SGCZ: variants seen among roughly 807,000 people sequenced by gnomAD.
SGCZ encodes the protein sarcoglycan zeta.
Under a neutral mutation model 41.3 loss-of-function variants are expected in SGCZ, and 40 were observed. The observed-to-expected ratio is 0.97, with a 90% CI of 0.75 to 1.26. The LOEUF (loss-of-function observed/expected upper bound fraction) is 1.26, where lower values mean the gene tolerates loss of function less well. Among genes scored for constraint, SGCZ ranks in the 50% most tolerant of loss-of-function variants. The pLI, the probability that SGCZ is intolerant of heterozygous loss-of-function variation, is 0.00. For missense variants in SGCZ, 552 were observed against 369.8 expected, an observed-to-expected ratio of 1.49 and a Z score of -4.04; for synonymous variants, 206 against 137.5, an observed-to-expected ratio of 1.50 and a Z score of -3.49.
intron 1 of SGCZ, among the ~76,000 whole-genome samples, chr8:14,929,028 G>A (rs1367293905): frequency 6.6e-6 from 1 of 152,034 alleles, no homozygotes; most frequent in Non-Finnish European, 1.5e-5. Context: ...GTCTCACTCT[G>A]TTGCCCAGAC....
At chr8:14,210,466 C>CT (rs11348040) in intron 4 of SGCZ, among the ~76,000 whole-genome samples, 20 of 147,646 alleles carry the variant, frequency 1.4e-4, no homozygotes, top group East Asian at 4.0e-4. Context: ...GCAACTTGAA[C>CT]TTTTTTTTTT....
intron 1 of SGCZ, among the ~76,000 whole-genome samples, chr8:14,739,195 A>C (rs1391463380): frequency 6.6e-6 from 1 of 152,102 alleles, no homozygotes; most frequent in Non-Finnish European, 1.5e-5. Context: ...GGTGGAAAAT[A>C]AGATTTAAGA....
chr8:14,726,982 G>A (rs1810076443), intron 1 of SGCZ, among the ~76,000 whole-genome samples: 1 of 152,036 alleles, frequency 6.6e-6, no homozygotes, highest in African/African-American at 2.4e-5. Context: ...AAATTAAAAT[G>A]TGTTGTTCAT....
At chr8:14,425,599 T>G (rs1383643917) in intron 2 of SGCZ, among the ~76,000 whole-genome samples, 1 of 151,308 alleles carries the variant, frequency 6.6e-6, no homozygotes, top group Non-Finnish European at 1.5e-5. Flanking sequence ...CCAGCCTGGT[T>G]GACAGAGGGA....
At chr8:14,589,555 C>T (rs1255574475) in intron 1 of SGCZ, among the ~76,000 whole-genome samples, 1 of 152,016 alleles carries the variant, frequency 6.6e-6, no homozygotes, top group Non-Finnish European at 1.5e-5. Context: ...GAATCTTGAG[C>T]AAATTACTTG....
intron 5 of SGCZ, among the ~76,000 whole-genome samples, chr8:14,144,306 T>A (rs189066253): frequency 6.6e-6 from 1 of 152,282 alleles, no homozygotes; most frequent in East Asian, 1.9e-4. Flanking sequence ...AGATAAGTCA[T>A]AGTCAGAGTC....
chr8:14,405,647 T>C (rs910514454), intron 2 of SGCZ, among the ~76,000 whole-genome samples: 4 of 152,214 alleles, frequency 2.6e-5, no homozygotes, highest in African/African-American at 9.6e-5. Flanking sequence ...GTTGAAATAA[T>C]TCTGCTTTGA....
intron 1 of SGCZ, among the ~76,000 whole-genome samples, chr8:15,208,465 G>C (rs1261089704): frequency 6.6e-6 from 1 of 152,110 alleles, no homozygotes; most frequent in Non-Finnish European, 1.5e-5. Flanking sequence ...TCAGTTGTCA[G>C]AAACTCAAAA....
chr8:14,535,340 C>G (rs1036567248), intron 2 of SGCZ, among the ~76,000 whole-genome samples: 1 of 151,636 alleles, frequency 6.6e-6, no homozygotes, highest in African/African-American at 2.4e-5. Context: ...CTTGCTTTCT[C>G]CTAAAAACTC....
chr8:14,581,489 T>G (rs6985599), intron 1 of SGCZ, among the ~76,000 whole-genome samples: 8,024 of 151,992 alleles, frequency 0.053, 547 homozygotes, highest in African/African-American at 0.16. Flanking sequence ...TGCATTATTA[T>G]ATCTGACTTG....
At chr8:14,479,731 C>CTTCT (rs1421864084) in intron 2 of SGCZ, among the ~76,000 whole-genome samples, 4 of 52,976 alleles carry the variant, frequency 7.6e-5, no homozygotes, top group African/African-American at 2.0e-4. Flanking sequence ...AATTCTACTT[C>CTTCT]TTTTTTTTTT....
At chr8:14,718,850 TA>T (rs1191906229) in intron 1 of SGCZ, among the ~76,000 whole-genome samples, 7 of 143,332 alleles carry the variant, frequency 4.9e-5, no homozygotes, top group East Asian at 2.1e-4. Context: ...AATATATATA[TA>T]TATTTTTATT....
At chr8:14,305,500 T>C (rs745622452) in intron 3 of SGCZ, among the ~76,000 whole-genome samples, 4 of 152,216 alleles carry the variant, frequency 2.6e-5, no homozygotes, top group Non-Finnish European at 5.9e-5. Context: ...AGAAATTTTA[T>C]TTGATTTTGA....
intron 2 of SGCZ, among the ~76,000 whole-genome samples, chr8:14,470,353 G>C (rs1459782815): frequency 6.6e-6 from 1 of 151,982 alleles, no homozygotes; most frequent in Non-Finnish European, 1.5e-5. Context: ...GCACATAGTA[G>C]CACTTAATAC....
At chr8:14,867,435 T>C (rs998855631) in intron 1 of SGCZ, among the ~76,000 whole-genome samples, 35 of 152,176 alleles carry the variant, frequency 2.3e-4, no homozygotes, top group African/African-American at 6.8e-4. Flanking sequence ...ATCTTTATAA[T>C]AGAATGATTT....
intron 1 of SGCZ, among the ~76,000 whole-genome samples, chr8:14,862,846 G>A (rs1803802598): frequency 6.6e-6 from 1 of 151,858 alleles, no homozygotes. Context: ...GCTGGGGACA[G>A]CAACAGCTCA....
At chr8:14,870,233 C>A (rs1804098046) in intron 1 of SGCZ, among the ~76,000 whole-genome samples, 1 of 152,000 alleles carries the variant, frequency 6.6e-6, no homozygotes, top group Admixed American at 6.6e-5. Flanking sequence ...ATAGATAGAC[C>A]AATGGAACAG....
intron 1 of SGCZ, among the ~76,000 whole-genome samples, chr8:15,081,558 T>A (rs1450051766): frequency 1.4e-5 from 2 of 147,336 alleles, no homozygotes; most frequent in Non-Finnish European, 2.9e-5. Flanking sequence ...AAAAGAAGGT[T>A]TGAAAGAACA....
chr8:14,421,647 G>A (rs1799640299), intron 2 of SGCZ, among the ~76,000 whole-genome samples: 1 of 152,060 alleles, frequency 6.6e-6, no homozygotes, highest in Non-Finnish European at 1.5e-5. Flanking sequence ...ACTCTGCTGA[G>A]ACTTCAACAT....
Sources: allele counts gnomAD v4.1 joint callset (sites outside exome capture counted in the v4.1 genomes callset), GRCh38; gene constraint gnomAD v4.1.1; transcripts MANE v1.5; gene names NCBI Gene and HGNC (gene_info 2026-07-23, HGNC 2026-07-21).